Variants in IHO1 observed in about 807,000 individuals in gnomAD.
The protein encoded by IHO1 is interactor of HORMAD1 protein 1.
Under a neutral mutation model 31.0 loss-of-function variants are expected in IHO1, and 13 were observed. The observed-to-expected ratio is 0.42, with a 90% CI of 0.27 to 0.67. The LOEUF (loss-of-function observed/expected upper bound fraction) is 0.67. Ranked by LOEUF, IHO1 falls within the 30% of genes least tolerant of loss-of-function variation. The pLI is 0.24. For synonymous variants in IHO1, 221 were observed against 248.4 expected (o/e 0.89, Z 1.04); for missense variants, 599 against 687.5 (o/e 0.87, Z 1.44).
At chr3:49,210,752 C>T (rs2046201389) in intron 1 of IHO1, among the ~76,000 whole-genome samples, 1 of 143,092 alleles carries the variant, frequency 7.0e-6, no homozygotes, top group Non-Finnish European at 1.5e-5. Context: ...GGCTGGAGTG[C>T]AGTCGTGTGA....
At chr3:49,200,599 T>G in intron 1 of IHO1, 1 of 984,116 alleles carries the variant, frequency 1.0e-6, no homozygotes, top group Non-Finnish European at 1.2e-6. Context: ...CCTCTCCCCC[T>G]CACGTGTTCC....
chr3:49,228,426 C>T, intron 2 of IHO1: 1 of 394,658 alleles, frequency 2.5e-6, no homozygotes, highest in Non-Finnish European at 5.1e-6. Flanking sequence ...AACTGGCCGA[C>T]AGGTGCCCGG....
chr3:49,216,830 T>A (rs1197591421), intron 2 of IHO1, among the ~76,000 whole-genome samples: 2 of 152,126 alleles, frequency 1.3e-5, no homozygotes, highest in Non-Finnish European at 2.9e-5. Flanking sequence ...GGGCAAAGAA[T>A]ATGAACAGAC....
At position 49,235,517 on chromosome 3, in the gene IHO1, C is replaced by T. The variant is rs113395028; in HGVS notation, c.57-1031C>T. On this transcript the variant is annotated intron_variant, in intron 2 of 7. Coordinates refer to ENST00000452691, the MANE Select transcript of IHO1 (RefSeq NM_001135197.2). ...TGCTGGGATTACAGGCGTGAGCCACCGCACCCGGCCGATTATATATAAATC... is the reference window on the plus strand; with the variant it reads ...TGCTGGGATTACAGGCGTGAGCCACTGCACCCGGCCGATTATATATAAATC... Among the ~76,000 whole-genome samples the T allele has an allele frequency of 6.5e-3, 995 of 152,140 alleles. 8 individuals carry two copies. The highest frequency in any genetic ancestry group is 0.023 in the African/African-American group (947 of 41,504).
intron 2 of IHO1, among the ~76,000 whole-genome samples, chr3:49,227,459 T>C (rs1390132668): frequency 1.3e-5 from 2 of 152,086 alleles, no homozygotes; most frequent in Non-Finnish European, 2.9e-5. Flanking sequence ...ACCCTGCTGA[T>C]TGGAATATTG....
In IHO1 at chr3:49,236,667, T is replaced by C. The variant is rs748119826; in HGVS notation, c.176T>C (p.Leu59Ser). The C allele has an allele frequency of 4.3e-6, 7 of 1,614,142 alleles. No individual in the cohort carries two copies. Among genetic ancestry groups the C allele is most frequent in the Non-Finnish European group, 5.9e-6 (7 of 1,179,984 alleles). Residue 59 changes from leucine to serine, a missense_variant, in exon 3 of 8, where the codon TTG becomes TCG. Physicochemically the swap from Leu to Ser is moderately radical, Grantham distance 145 (BLOSUM62 -2). Transcript: ENST00000452691. ...AATTCAGAAACCCTATCAGCACCCT[T>C]GGACTTTGGTGCCCACTTGAGACAT... ...PENSETLSAPLDFGAHLRHSK... is the reference protein window; with the variant it reads ...PENSETLSAPSDFGAHLRHSK...
At chr3:49,239,327 A>G (rs1225107474) in intron 3 of IHO1, among the ~76,000 whole-genome samples, 2 of 148,402 alleles carry the variant, frequency 1.3e-5, no homozygotes, top group Non-Finnish European at 3.0e-5. Context: ...CTGTTGCCAG[A>G]CTGGAGTGCA....
intron 1 of IHO1, among the ~76,000 whole-genome samples, chr3:49,209,164 G>A (rs1403390915): frequency 6.6e-6 from 1 of 152,174 alleles, no homozygotes. Context: ...AATCTCTCCT[G>A]TTTAATCCAG....
Position 49,257,377 on chromosome 3 carries a change from T to C in IHO1, c.*95T>C, listed in dbSNP as rs985854481. On this transcript the variant is annotated 3_prime_UTR_variant, in exon 8 of 8. Transcript: ENST00000452691. Reference sequence around the variant, plus strand: ...CAGAAAGTCCCTGAAGCCTGCCAAGTACCCAGGGTCAGAGGCCCTGCTGAG... The same window carrying C: ...CAGAAAGTCCCTGAAGCCTGCCAAGCACCCAGGGTCAGAGGCCCTGCTGAG... The C allele has an allele frequency of 9.4e-6, 12 of 1,274,644 alleles. No homozygotes were observed. In the African/African-American group the frequency reaches 1.6e-4, roughly 17 times the overall value. 79.0% of individuals were successfully genotyped at this position (1,274,644 alleles called of 1,614,324 possible).
At chr3:49,242,298 A>ATT (rs35683717) in intron 4 of IHO1, among the ~76,000 whole-genome samples, 4 of 147,038 alleles carry the variant, frequency 2.7e-5, no homozygotes, top group Admixed American at 6.8e-5. Context: ...TGGCCACCTA[A>ATT]TTTTTTTTTT....
chr3:49,252,407 T>C (rs954945920), intron 6 of IHO1: 35 of 152,766 alleles, frequency 2.3e-4, no homozygotes, highest in Non-Finnish European at 3.2e-4. Context: ...CATTTCTTAC[T>C]GCTTTTTTCT....
At chr3:49,209,211 G>T (rs533058925) in intron 1 of IHO1, among the ~76,000 whole-genome samples, 5 of 152,130 alleles carry the variant, frequency 3.3e-5, no homozygotes, top group Admixed American at 6.5e-5. Flanking sequence ...CAACATTAAG[G>T]GGGGAGTTTG....
chr3:49,212,698 T>G (rs1380491125), intron 2 of IHO1, among the ~76,000 whole-genome samples: 1 of 152,118 alleles, frequency 6.6e-6, no homozygotes, highest in Admixed American at 6.6e-5. Flanking sequence ...TGGATGTGTT[T>G]GGAGTTTCTT....
chr3:49,210,325 C>T (rs2046193150), intron 1 of IHO1, among the ~76,000 whole-genome samples: 1 of 151,804 alleles, frequency 6.6e-6, no homozygotes, highest in Admixed American at 6.6e-5. Context: ...CAGCCTTGAC[C>T]TCTTGGGCTC....
Position 49,229,304 on chromosome 3 carries a change from G to A in IHO1, c.57-7244G>A, listed in dbSNP as rs139681817. On this transcript the variant is annotated intron_variant, in intron 2 of 7. Coordinates refer to ENST00000452691, the MANE Select transcript of IHO1 (RefSeq NM_001135197.2). ...TGAGCCTTCTGCCTGGGGAAACCCC[G>A]CAAAAGTTCCAACGGGTCTGTGGAC... Among the ~76,000 whole-genome samples the A allele has an allele frequency of 2.9e-3, 440 of 152,308 alleles. 3 individuals carry two copies. Among genetic ancestry groups the A allele is most frequent in the African/African-American group, 9.5e-3 (393 of 41,548 alleles).
At chr3:49,254,753 C>T (rs1207199936) in intron 6 of IHO1, among the ~76,000 whole-genome samples, 1 of 152,006 alleles carries the variant, frequency 6.6e-6, no homozygotes, top group Admixed American at 6.6e-5. Flanking sequence ...TGTTCAGTGG[C>T]CAGTGGGGTG....
chr3:49,237,842 A>AGAGTCTCTT (rs1465125455), intron 3 of IHO1, among the ~76,000 whole-genome samples: 8 of 146,494 alleles, frequency 5.5e-5, no homozygotes, highest in African/African-American at 2.0e-4. Flanking sequence ...AATGAGGAAC[A>AGAGTCTCTT]GAGTCTCTTG....
intron 6 of IHO1, among the ~76,000 whole-genome samples, chr3:49,254,125 C>A (rs186331853): frequency 7.2e-5 from 11 of 152,260 alleles, no homozygotes; most frequent in African/African-American, 2.6e-4. Context: ...TGAGTCTCCA[C>A]GCCCAGCTAG....
At chr3:49,231,770 A>G (rs2046484675) in intron 2 of IHO1, among the ~76,000 whole-genome samples, 1 of 152,234 alleles carries the variant, frequency 6.6e-6, no homozygotes, top group African/African-American at 2.4e-5. Flanking sequence ...TGCAATATCT[A>G]ATGCCAAACA....
Sources: gnomAD v4.1 joint callset for allele counts (sites outside exome capture counted in the v4.1 genomes callset) on GRCh38, gnomAD v4.1.1 for gene constraint, MANE v1.5 for transcripts, NCBI Gene and HGNC (gene_info 2026-07-23, HGNC 2026-07-21) for gene names.